The following SMYD3 variants were observed in gnomAD, a reference collection of about 807,000 sequenced individuals.
SMYD3 encodes SET and MYND domain containing 3, also known as histone-lysine N-methyltransferase SMYD3.
Under a neutral mutation model 57.7 loss-of-function variants are expected in SMYD3, and 36 were observed. The observed-to-expected ratio is 0.62, with a 90% CI of 0.48 to 0.82. The LOEUF (loss-of-function observed/expected upper bound fraction) is 0.82, where lower values mean the gene tolerates loss of function less well. SMYD3 is among the 40% of genes least tolerant of loss of function. The probability of loss-of-function intolerance (pLI) is 0.00; values close to 1 mark genes in which losing one functional copy is unlikely to be tolerated. For synonymous variants in SMYD3, 211 were observed against 195.0 expected (o/e 1.08, Z -0.68); for missense variants, 515 against 538.8 (o/e 0.96, Z 0.44).
At chr1:246,269,948 C>A (rs2064187980) in intron 5 of SMYD3, among the ~76,000 whole-genome samples, 1 of 152,130 alleles carries the variant, frequency 6.6e-6, no homozygotes, top group South Asian at 2.1e-4. Flanking sequence ...TGAAGAATGA[C>A]CTCCAACACC....
intron 5 of SMYD3, among the ~76,000 whole-genome samples, chr1:246,237,247 A>G (rs2063527943): frequency 6.6e-6 from 1 of 152,170 alleles, no homozygotes; most frequent in African/African-American, 2.4e-5. Context: ...TATCAAAAAA[A>G]CTATGCCTGC....
chr1:245,758,134 A>G (rs1425525458), intron 11 of SMYD3, among the ~76,000 whole-genome samples: 5 of 152,062 alleles, frequency 3.3e-5, no homozygotes, highest in Non-Finnish European at 4.4e-5. Flanking sequence ...ATAATAACTT[A>G]CTTGGTTTTG....
rs200267956 is a variant in SMYD3, at chr1:245,973,498, C to CA, written c.532-43562dup. Among the ~76,000 whole-genome samples the CA allele has an allele frequency of 4.2e-3, 643 of 151,732 alleles. 4 individuals carry two copies. Among genetic ancestry groups the CA allele is most frequent in the African/African-American group, 0.014 (572 of 41,360 alleles). ...CTCAACTTTCACAGGAGTTTTATCACAAAAAAAATCAAATGAAAATAAGTA... is the reference window on the plus strand; with the variant it reads ...CTCAACTTTCACAGGAGTTTTATCACAAAAAAAAATCAAATGAAAATAAGTA... On this transcript the variant is annotated intron_variant, in intron 5 of 11. Transcript: ENST00000490107.
intron 1 of SMYD3, among the ~76,000 whole-genome samples, chr1:246,487,998 C>T (rs956267804): frequency 6.6e-6 from 1 of 152,012 alleles, no homozygotes; most frequent in Admixed American, 6.6e-5. Flanking sequence ...CTGGCCCTCC[C>T]TTTTAGCATT....
rs188406076 is a variant in SMYD3, at chr1:246,435,957, T to C, written c.164+71097A>G. ...GGCAGACACTGACCTTAATAGTCTT[T>C]GTATCACGGGTTCCAGCACAGTACT... On this transcript the variant is annotated intron_variant, in intron 1 of 11. Coordinates refer to ENST00000490107, the MANE Select transcript of SMYD3 (RefSeq NM_001167740.2). Among the ~76,000 whole-genome samples the C allele has an allele frequency of 1.7e-3, 266 of 152,318 alleles. 5 individuals are homozygous for C. Among genetic ancestry groups the C allele is most frequent in the Admixed American group, 0.015 (233 of 15,294 alleles).
At chr1:245,828,051 A>C (rs2049605437) in intron 10 of SMYD3, among the ~76,000 whole-genome samples, 1 of 152,238 alleles carries the variant, frequency 6.6e-6, no homozygotes, top group Admixed American at 6.5e-5. Context: ...TTATTTCCAT[A>C]GGGAAAAAAA....
chr1:246,373,812 G>C (rs1055285129), intron 1 of SMYD3, among the ~76,000 whole-genome samples: 5 of 152,130 alleles, frequency 3.3e-5, no homozygotes, highest in African/African-American at 4.8e-5. Context: ...ACTTTTATTT[G>C]ATTTGGAGTT....
At chr1:246,092,871 A>C (rs566613746) in intron 5 of SMYD3, among the ~76,000 whole-genome samples, 1 of 152,252 alleles carries the variant, frequency 6.6e-6, no homozygotes, top group Non-Finnish European at 1.5e-5. Flanking sequence ...GTGATTAATA[A>C]TGAGACTATA....
intron 10 of SMYD3, among the ~76,000 whole-genome samples, chr1:245,853,223 C>T (rs2051063561): frequency 6.6e-6 from 1 of 152,124 alleles, no homozygotes; most frequent in Non-Finnish European, 1.5e-5. Flanking sequence ...TTCTCTAGGT[C>T]CTACTCCATG....
At chr1:246,121,589 C>T (rs1221472212) in intron 5 of SMYD3, among the ~76,000 whole-genome samples, 1 of 152,066 alleles carries the variant, frequency 6.6e-6, no homozygotes, top group Admixed American at 6.5e-5. Flanking sequence ...ATTTAATTTT[C>T]AGTGTATTCC....
At chr1:246,248,647 T>G (rs1436110896) in intron 5 of SMYD3, among the ~76,000 whole-genome samples, 2 of 133,738 alleles carry the variant, frequency 1.5e-5, no homozygotes, top group African/African-American at 2.8e-5. Context: ...TTTTTTTTTT[T>G]TTTTTTTTTT....
intron 8 of SMYD3, among the ~76,000 whole-genome samples, chr1:245,902,047 C>A (rs1301272994): frequency 1.3e-5 from 2 of 152,168 alleles, no homozygotes; most frequent in African/African-American, 4.8e-5. Context: ...AGCCCAGCAA[C>A]AACCAGACTA....
chr1:246,009,705 G>T lies in SMYD3; in HGVS notation c.532-79768C>A, dbSNP rs181181998. 4.3e-3 allele frequency among the ~76,000 whole-genome samples: 645 copies of T among 149,318 alleles called. 4 individuals are homozygous for T. Among genetic ancestry groups the T allele is most frequent in the Admixed American group, 6.7e-3 (100 of 14,986 alleles). On this transcript the variant is annotated intron_variant, in intron 5 of 11. Transcript: ENST00000490107. ...TTCTCCTTATTTAAAAAAGGAGAAAGACATTAAAATACCTTCAAAATTATT... is the reference window on the plus strand; with the variant it reads ...TTCTCCTTATTTAAAAAAGGAGAAATACATTAAAATACCTTCAAAATTATT...
intron 5 of SMYD3, among the ~76,000 whole-genome samples, chr1:246,032,281 G>A (rs1272927557): frequency 6.6e-6 from 1 of 152,132 alleles, no homozygotes; most frequent in Non-Finnish European, 1.5e-5. Flanking sequence ...ATTCCCCACA[G>A]TGCATCTCAT....
chr1:246,051,799 AAAC>A (rs2060071906), intron 5 of SMYD3, among the ~76,000 whole-genome samples: 1 of 152,232 alleles, frequency 6.6e-6, no homozygotes, highest in Non-Finnish European at 1.5e-5. Flanking sequence ...TACTCTCCCC[AAAC>A]AACAAACTTC....
intron 5 of SMYD3, among the ~76,000 whole-genome samples, chr1:245,984,373 C>T (rs920936552): frequency 1.3e-5 from 2 of 152,166 alleles, no homozygotes; most frequent in East Asian, 3.8e-4. Flanking sequence ...TCATCAGGAA[C>T]AAAGCCCATC....
intron 10 of SMYD3, among the ~76,000 whole-genome samples, chr1:245,804,835 G>A (rs557904452): frequency 3.3e-5 from 5 of 152,076 alleles, no homozygotes; most frequent in African/African-American, 1.2e-4. Flanking sequence ...CCAGTGCCTG[G>A]ATCTTGGTGT....
intron 1 of SMYD3, among the ~76,000 whole-genome samples, chr1:246,393,734 T>C (rs2066609342): frequency 6.6e-6 from 1 of 150,822 alleles, no homozygotes. Context: ...CAGGCACCTG[T>C]TATCCCAGCT....
chr1:245,827,044 A>G (rs758344090), intron 10 of SMYD3, among the ~76,000 whole-genome samples: 2 of 152,084 alleles, frequency 1.3e-5, no homozygotes, highest in South Asian at 4.1e-4. Flanking sequence ...CTTTAATACA[A>G]TGACAGCCAC....
Sources: allele counts gnomAD v4.1 joint callset (sites outside exome capture counted in the v4.1 genomes callset), GRCh38; gene constraint gnomAD v4.1.1; transcripts MANE v1.5; gene names NCBI Gene and HGNC (gene_info 2026-07-23, HGNC 2026-07-21).